Variants in IFI16 observed in about 807,000 individuals in gnomAD.
IFI16 encodes gamma-interferon-inducible protein 16.
In IFI16, 49 loss-of-function variants were observed where a neutral mutation model predicts 68.4. The ratio of observed to expected loss-of-function variants is 0.72; its 90% CI spans 0.57 to 0.91. The LOEUF is 0.91. Among genes scored for constraint, IFI16 ranks in the 40% least tolerant of loss-of-function variants. The pLI is 0.00. For synonymous variants in IFI16, 307 were observed against 315.0 expected, an observed-to-expected ratio of 0.97 and a Z score of 0.27; for missense variants, 878 against 942.9, an observed-to-expected ratio of 0.93 and a Z score of 0.90.
At chr1:159,009,121 G>A (rs1452876154), upstream of IFI16, 1 of 152,174 alleles carries the variant, frequency 6.6e-6, no homozygotes, top group Non-Finnish European at 1.5e-5. Flanking sequence ...GCATTTTCCA[G>A]GATTTTCAAG....
At position 159,044,168 on chromosome 1, in the gene IFI16, T is replaced by C. The variant is rs112550469; in HGVS notation, c.1330-1129T>C. On this transcript the variant is annotated intron_variant, in intron 7 of 11. Coordinates refer to ENST00000295809, the MANE Select transcript of IFI16 (RefSeq NM_001376587.1). ...TCTTTATAACACCATAAAAAAATGC[T>C]ATGGCTAGTCCCATCTCACATGTGG... is the stretch of plus-strand genomic sequence containing the variant. Among the ~76,000 whole-genome samples, 494 of 152,286 alleles carry C rather than the reference T, an allele frequency of 3.2e-3. 4 individuals carry two copies. Among genetic ancestry groups the C allele is most frequent in the African/African-American group, 0.011 (475 of 41,542 alleles).
At chr1:159,007,690 A>G (rs901910607), upstream of IFI16, among the ~76,000 whole-genome samples, 4 of 152,148 alleles carry the variant, frequency 2.6e-5, no homozygotes, top group African/African-American at 7.2e-5. Context: ...CCTTATAAGA[A>G]GAGGTATCAG....
At chr1:159,038,686 T>C (rs1444367087) in intron 7 of IFI16, among the ~76,000 whole-genome samples, 1 of 152,206 alleles carries the variant, frequency 6.6e-6, no homozygotes, top group Non-Finnish European at 1.5e-5. Flanking sequence ...TTAAAGTCTT[T>C]CATTAGTGAC....
chr1:159,003,110 C>T (rs1217024879), upstream of IFI16, among the ~76,000 whole-genome samples: 1 of 152,186 alleles, frequency 6.6e-6, no homozygotes, highest in Non-Finnish European at 1.5e-5. Context: ...TTGGAAACTT[C>T]CATCTCTGGT....
chr1:159,024,947 G>A (rs2793839), intron 6 of IFI16, among the ~76,000 whole-genome samples: 151,055 of 152,116 alleles, frequency 0.99, 75,007 homozygotes, highest in Middle Eastern at 1. Context: ...TGCGGACGGC[G>A]GTCTCAGTGG....
intron 6 of IFI16, among the ~76,000 whole-genome samples, chr1:159,029,436 A>G (rs1653865965): frequency 6.6e-6 from 1 of 152,144 alleles, no homozygotes; most frequent in African/African-American, 2.4e-5. Flanking sequence ...CTCCGTCTTG[A>G]CTTTAGAGAG....
At chr1:159,006,634 TAG>T (rs1033116390), upstream of IFI16, among the ~76,000 whole-genome samples, 18 of 152,242 alleles carry the variant, frequency 1.2e-4, no homozygotes, top group African/African-American at 3.9e-4. Context: ...CCTTCCCAGC[TAG>T]AGAGAGTCTT....
chr1:159,040,502 A>G (rs1654561621), intron 7 of IFI16, among the ~76,000 whole-genome samples: 1 of 152,244 alleles, frequency 6.6e-6, no homozygotes, highest in Non-Finnish European at 1.5e-5. Context: ...AGTTTTAAAC[A>G]CTGAACAAAA....
chr1:159,000,390 A>G, exon 1 of IFI16: 1 of 179,444 alleles, frequency 5.6e-6, no homozygotes, highest in South Asian at 1.4e-4. Flanking sequence ...TTCAAAATGA[A>G]GCAAGGTGAG....
chr1:159,042,713 T>C (rs1316779063), intron 7 of IFI16, among the ~76,000 whole-genome samples: 1 of 152,230 alleles, frequency 6.6e-6, no homozygotes, highest in African/African-American at 2.4e-5. Flanking sequence ...AATAAACCTA[T>C]GACTTTCTTC....
At chr1:159,007,782 C>T (rs1204149462), upstream of IFI16, among the ~76,000 whole-genome samples, 1 of 152,090 alleles carries the variant, frequency 6.6e-6, no homozygotes, top group Admixed American at 6.6e-5. Context: ...AGGGCTCATA[C>T]CAGAAACTAA....
At chr1:159,029,056 T>A (rs531195204) in intron 6 of IFI16, among the ~76,000 whole-genome samples, 1 of 152,320 alleles carries the variant, frequency 6.6e-6, no homozygotes, top group South Asian at 2.1e-4. Flanking sequence ...ACCTTACTTT[T>A]TTATTACTGT....
At chr1:159,020,185 A>G (rs1487102529) in intron 5 of IFI16, among the ~76,000 whole-genome samples, 156 bp from the exon 6 acceptor site, 1 of 152,200 alleles carries the variant, frequency 6.6e-6, no homozygotes, top group Non-Finnish European at 1.5e-5. Flanking sequence ...ATATTGAGGG[A>G]CGGCTTTCTG....
At chr1:159,017,859 C>G (rs769973588) in intron 4 of IFI16, among the ~76,000 whole-genome samples, 8 of 152,194 alleles carry the variant, frequency 5.3e-5, no homozygotes, top group Admixed American at 1.3e-4. Flanking sequence ...CCACCCGCCT[C>G]GGCGTTTCAA....
At chr1:159,034,736 C>T (rs1614182) in intron 7 of IFI16, among the ~76,000 whole-genome samples, 108,663 of 152,092 alleles carry the variant, frequency 0.71, 40,703 homozygotes, top group Admixed American at 0.83. Flanking sequence ...TCTGGTCCTC[C>T]CTTTGTGAGC....
chr1:159,055,051 T>C lies in IFI16; in HGVS notation c.*150T>C. 1 of 407,792 alleles carries C rather than the reference T, an allele frequency of 2.5e-6. No individual in the cohort carries two copies. Among genetic ancestry groups the C allele is most frequent in the African/African-American group, 2.1e-5 (1 of 48,534 alleles). The allele number at this position is 407,792 out of a possible 1,614,324, so 25.3% of individuals were successfully genotyped here. Reference sequence around the variant, plus strand: ...CTATGGAATGGGGTATTGGGAGTGCTTTTTTAATTTTTCATAGTTTTTTTT... The same window carrying C: ...CTATGGAATGGGGTATTGGGAGTGCCTTTTTAATTTTTCATAGTTTTTTTT... On this transcript the variant is annotated 3_prime_UTR_variant, in exon 12 of 12. Transcript: ENST00000295809.
upstream of IFI16, among the ~76,000 whole-genome samples, chr1:159,007,600 C>T (rs1264546272): frequency 6.6e-6 from 1 of 152,108 alleles, no homozygotes; most frequent in Non-Finnish European, 1.5e-5. Flanking sequence ...AAGCCATAAC[C>T]TCCCAGTGTG....
At chr1:159,038,917 GA>G (rs994160548) in intron 7 of IFI16, among the ~76,000 whole-genome samples, 1 of 152,168 alleles carries the variant, frequency 6.6e-6, no homozygotes, top group African/African-American at 2.4e-5. Context: ...GCAAAGGGAG[GA>G]TCAGTATGCC....
At position 159,053,679 on chromosome 1, in the gene IFI16, T is replaced by C. The variant is rs762731643; in HGVS notation, c.2232T>C (p.Ser744=). 6.2e-7 allele frequency: 1 copy of C among 1,613,946 alleles called. No homozygotes were observed. The highest frequency in any genetic ancestry group is 1.1e-5 in the South Asian group (1 of 91,068). The change falls in exon 11 of 12, where the codon AGT becomes AGC. Residue 744 remains serine, a synonymous_variant. Coordinates refer to ENST00000295809, the MANE Select transcript of IFI16 (RefSeq NM_001376587.1). ...KLTCFELAPK[S]GNTGELRSVI... ...CCTGCTTTGAATTGGCACCGAAAAG[T>C]GGGAATACCGGGGAGTTGAGATCTG...
Sources: gnomAD v4.1 joint callset for allele counts (sites outside exome capture counted in the v4.1 genomes callset) on GRCh38, gnomAD v4.1.1 for gene constraint, MANE v1.5 for transcripts, NCBI Gene and HGNC (gene_info 2026-07-23, HGNC 2026-07-21) for gene names.